Variants in ITGA2 observed in about 807,000 individuals in gnomAD.
ITGA2 encodes integrin subunit alpha 2.
Under a neutral mutation model 146.3 loss-of-function variants are expected in ITGA2, and 101 were observed. The observed-to-expected ratio is 0.69, with a 90% CI of 0.59 to 0.81. ITGA2 has a LOEUF of 0.81. Among genes scored for constraint, ITGA2 ranks in the 40% least tolerant of loss-of-function variants. The pLI is 0.00. For missense variants in ITGA2, 1,281 were observed against 1,402.7 expected, an observed-to-expected ratio of 0.91 and a Z score of 1.39; for synonymous variants, 477 against 487.1, an observed-to-expected ratio of 0.98 and a Z score of 0.27.
chr5:53,062,943 AAT>A lies in ITGA2; in HGVS notation c.1602+16_1602+17del. 1.3e-6 allele frequency: 2 copies of A among 1,591,468 alleles called. No individual in the cohort carries two copies. The highest frequency in any genetic ancestry group is 1.3e-5 in the African/African-American group (1 of 74,088). On this transcript the variant is annotated intron_variant, in intron 13 of 29. Coordinates refer to ENST00000296585, the MANE Select transcript of ITGA2 (RefSeq NM_002203.4). The stretch of plus-strand genomic sequence containing the variant: ...ACTATCAAAGAGGTAAAAAAAAAAA[AAT>A]AAACTAATAGTTTAATTTGCTTTAG...
At chr5:53,044,632 C>T (rs1391288121) in intron 3 of ITGA2, among the ~76,000 whole-genome samples, 1 of 148,698 alleles carries the variant, frequency 6.7e-6, no homozygotes, top group Non-Finnish European at 1.5e-5. Context: ...TTTACTGACC[C>T]AGAAAAAAAA....
At chr5:53,013,386 T>A (rs1742238997) in intron 1 of ITGA2, among the ~76,000 whole-genome samples, 1 of 151,836 alleles carries the variant, frequency 6.6e-6, no homozygotes, top group South Asian at 2.1e-4. Flanking sequence ...TTTTTTTTTT[T>A]TGTCAACTTT....
intron 16 of ITGA2, among the ~76,000 whole-genome samples, chr5:53,069,736 G>T (rs571221088): frequency 6.6e-6 from 1 of 151,830 alleles, no homozygotes; most frequent in Non-Finnish European, 1.5e-5. Context: ...AGTTGCAGGC[G>T]CTCAGCAACT....
At position 52,989,406 on chromosome 5, in the gene ITGA2, A is replaced by G; in HGVS notation, c.-63A>G. 1.3e-6 allele frequency: 2 copies of G among 1,552,348 alleles called. No homozygotes were observed. The highest frequency in any genetic ancestry group is 8.9e-7 in the Non-Finnish European group (1 of 1,123,716). ...GTGCAGGTTCTCGTATCCCTCGGCCAAGGGTATCCTCTGCAAACCTCTGCA... is the reference window on the plus strand; with the variant it reads ...GTGCAGGTTCTCGTATCCCTCGGCCGAGGGTATCCTCTGCAAACCTCTGCA... On this transcript the variant is annotated 5_prime_UTR_variant, in exon 1 of 30. Coordinates refer to ENST00000296585, the MANE Select transcript of ITGA2 (RefSeq NM_002203.4).
intron 1 of ITGA2, among the ~76,000 whole-genome samples, chr5:52,999,439 G>C (rs140708660): frequency 6.6e-6 from 1 of 152,186 alleles, no homozygotes; most frequent in East Asian, 1.9e-4. Context: ...AATTTTGTTT[G>C]TTACTATTTC....
At chr5:53,017,494 A>C (rs1016799874) in intron 1 of ITGA2, among the ~76,000 whole-genome samples, 1 of 152,154 alleles carries the variant, frequency 6.6e-6, no homozygotes, top group Non-Finnish European at 1.5e-5. Context: ...ATTGTCCACA[A>C]CACTCCGATG....
At chr5:52,989,637 C>T (rs1428661931) in intron 1 of ITGA2, 105 bp downstream of exon 1, 1 of 1,254,430 alleles carries the variant, frequency 8.0e-7, no homozygotes, top group African/African-American at 1.5e-5. Context: ...TCCGTGTGTT[C>T]CCTCGGATTC....
chr5:53,052,967 T>G (rs1470080417), intron 7 of ITGA2, among the ~76,000 whole-genome samples: 3 of 152,176 alleles, frequency 2.0e-5, no homozygotes. Flanking sequence ...ATGAATATTT[T>G]TATTTGGAGT....
rs113282066 is a variant in ITGA2, at chr5:53,064,967, G to C, written c.1658G>C (p.Arg553Pro). 1 of 1,612,868 alleles carries C rather than the reference G, an allele frequency of 6.2e-7. No individual in the cohort carries two copies. Among genetic ancestry groups the C allele is most frequent in the Admixed American group, 1.7e-5 (1 of 59,864 alleles). ...LEGPEGIENT[R>P]FGSAIAALSD... ...GGCCCCGAGGGCATTGAAAACACTC[G>C]ATTTGGTTCAGCAATTGCAGCTCTT... The change falls in exon 14 of 30, where the codon CGA becomes CCA. Residue 553 changes from arginine (R) to proline (P), a missense_variant. Arg to Pro is a moderately radical substitution (Grantham distance 103). Transcript: ENST00000296585.
rs1020976973 is a variant in ITGA2 at position 53,058,242 on chromosome 5, G to A, written c.1173+141G>A. 7.0e-6 allele frequency: 5 copies of A among 718,042 alleles called. No individual in the cohort carries two copies. The African/African-American group carries it at 8.8e-5, about 13-fold the overall frequency. 44.5% of individuals were successfully genotyped at this position (718,042 alleles called of 1,614,324 possible). On this transcript the variant is annotated intron_variant, in intron 10 of 29. Coordinates refer to ENST00000296585, the MANE Select transcript of ITGA2 (RefSeq NM_002203.4). The stretch of plus-strand genomic sequence containing the variant: ...CTAGTCACGGTCATTTAGTTTCTTT[G>A]TGCTGCTGATTTACCTCTAAAATTT...
intron 2 of ITGA2, among the ~76,000 whole-genome samples, chr5:53,034,929 G>C (rs1579829219): frequency 6.6e-6 from 1 of 152,166 alleles, no homozygotes; most frequent in Admixed American, 6.5e-5. Context: ...AAGGGCAGGG[G>C]TGCAGATATA....
chr5:52,995,392 G>A (rs1201817278), intron 1 of ITGA2, among the ~76,000 whole-genome samples: 1 of 152,164 alleles, frequency 6.6e-6, no homozygotes, highest in African/African-American at 2.4e-5. Context: ...TGAGATGATG[G>A]TGGTAAAAAC....
chr5:53,062,363 C>G (rs970022799), intron 12 of ITGA2, among the ~76,000 whole-genome samples: 1 of 151,880 alleles, frequency 6.6e-6, no homozygotes, highest in Non-Finnish European at 1.5e-5. Context: ...ATTATTTATT[C>G]TCCCTGCCTC....
chr5:53,045,081 G>A lies in ITGA2; in HGVS notation c.376G>A (p.Gly126Arg). ...GATCCTCACCAGGAACATGGGAACT[G>A]GAGGTTTTCTCGTGAGTGTTTACTT... is the stretch of plus-strand genomic sequence containing the variant. ...GLILTRNMGT[G>R]GFLTCGPLWA... The change falls in exon 4 of 30, where the codon GGA (glycine) becomes AGA (arginine). Residue 126 changes from glycine (G) to arginine (R), a missense_variant. Gly to Arg is a moderately radical substitution (Grantham distance 125, BLOSUM62 -2). Around this residue, in one of 3 missense-constraint regions of ITGA2, gnomAD observed 795 missense variants for 841.7 expected, o/e 0.94. Coordinates refer to ENST00000296585, the MANE Select transcript of ITGA2 (RefSeq NM_002203.4). The A allele has an allele frequency of 4.3e-6, 7 of 1,612,956 alleles. No homozygotes were observed. Among genetic ancestry groups the A allele is most frequent in the Non-Finnish European group, 5.9e-6 (7 of 1,178,978 alleles).
At chr5:53,038,698 G>C (rs563196439) in intron 2 of ITGA2, among the ~76,000 whole-genome samples, 1 of 152,082 alleles carries the variant, frequency 6.6e-6, no homozygotes, top group Non-Finnish European at 1.5e-5. Flanking sequence ...CTGGGCTTCC[G>C]CACTTGGTTT....
At position 53,062,794 on chromosome 5, in the gene ITGA2, C is replaced by T. The variant is rs1293881373; in HGVS notation, c.1467C>T (p.Ser489=). 7.4e-6 allele frequency: 12 copies of T among 1,611,268 alleles called. No individual in the cohort carries two copies. Among genetic ancestry groups the T allele is most frequent in the Non-Finnish European group, 1.0e-5 (12 of 1,178,174 alleles). The change falls in exon 13 of 30, where the codon TCC becomes TCT. Residue 489 remains serine, a synonymous_variant. Coordinates refer to ENST00000296585, the MANE Select transcript of ITGA2 (RefSeq NM_002203.4). ...ATGTTTTATTACTCCAGATTGGCTC[C>T]TATTTTGGTAGTGTGCTGTGTTCAG... ...IQAHRGDQIG[S]YFGSVLCSVD...
chr5:53,009,284 C>T (rs1676590316), intron 1 of ITGA2, among the ~76,000 whole-genome samples: 1 of 152,102 alleles, frequency 6.6e-6, no homozygotes, highest in Admixed American at 6.5e-5. Flanking sequence ...ATCCCCAACA[C>T]CTATGAGTAT....
At chr5:53,082,374 G>GA (rs1745962146) in intron 26 of ITGA2, among the ~76,000 whole-genome samples, 1 of 152,150 alleles carries the variant, frequency 6.6e-6, no homozygotes, top group South Asian at 2.1e-4. Flanking sequence ...GAAGGATGGG[G>GA]AAAACAGGAA....
intron 4 of ITGA2, among the ~76,000 whole-genome samples, chr5:53,045,501 G>C (rs898785264): frequency 2.0e-5 from 3 of 152,116 alleles, no homozygotes; most frequent in African/African-American, 7.2e-5. Flanking sequence ...GTTATCTGAG[G>C]CATGGAGCAG....
Sources: gnomAD v4.1 joint callset for allele counts (sites outside exome capture counted in the v4.1 genomes callset) on GRCh38, gnomAD v4.1.1 for gene constraint, gnomAD v4.1.1 regional missense constraint, MANE v1.5 for transcripts, NCBI Gene and HGNC (gene_info 2026-07-23, HGNC 2026-07-21) for gene names.